Variants in PCBP3 observed in about 807,000 individuals in gnomAD.
PCBP3 encodes poly(rC)-binding protein 3.
PCBP3 carries 25 observed loss-of-function variants against 52.7 expected under a neutral mutation model. The observed-to-expected ratio is 0.47, with a 90% CI of 0.35 to 0.66. The LOEUF (loss-of-function observed/expected upper bound fraction) is 0.66. PCBP3 is among the 30% of genes least tolerant of loss of function. The pLI is 0.01. For missense variants in PCBP3, 391 were observed against 490.3 expected (o/e 0.80, Z 1.91); for synonymous variants, 162 against 183.0 (o/e 0.89, Z 0.93).
chr21:45,795,599 A>G (rs1373936173), intron 4 of PCBP3, among the ~76,000 whole-genome samples: 2 of 152,232 alleles, frequency 1.3e-5, no homozygotes, highest in African/African-American at 4.8e-5. Context: ...GAGGGATGCC[A>G]CAAAAGCAAT....
intron 3 of PCBP3, chr21:45,748,232 A>G (rs1464980703): frequency 1.3e-5 from 2 of 152,632 alleles, no homozygotes; most frequent in Non-Finnish European, 2.9e-5. Flanking sequence ...GTCAGCGTGC[A>G]TGGTGAGCTG....
intron 4 of PCBP3, among the ~76,000 whole-genome samples, chr21:45,833,299 G>T (rs1176930439): frequency 1.3e-5 from 2 of 152,220 alleles, no homozygotes; most frequent in African/African-American, 4.8e-5. Flanking sequence ...GACTTTGCTT[G>T]CGGGTTACTT....
intron 2 of PCBP3, among the ~76,000 whole-genome samples, chr21:45,676,502 T>C: frequency 6.6e-6 from 1 of 152,200 alleles, no homozygotes; most frequent in East Asian, 1.9e-4. Flanking sequence ...ATTTCAAACA[T>C]TTTCATTATT....
chr21:45,752,737 T>G (rs2087640000), intron 3 of PCBP3: 1 of 152,058 alleles, frequency 6.6e-6, no homozygotes, highest in African/African-American at 2.4e-5. Flanking sequence ...GGTCAAGTAT[T>G]ATAAATGTCC....
At chr21:45,812,806 T>G (rs1189023404) in intron 4 of PCBP3, among the ~76,000 whole-genome samples, 1 of 152,226 alleles carries the variant, frequency 6.6e-6, no homozygotes, top group African/African-American at 2.4e-5. Flanking sequence ...CTCTAAAATT[T>G]TAGGTTAGAG....
At chr21:45,851,777 A>G (rs2094016250) in intron 5 of PCBP3, among the ~76,000 whole-genome samples, 1 of 152,242 alleles carries the variant, frequency 6.6e-6, no homozygotes, top group African/African-American at 2.4e-5. Flanking sequence ...AGACTTGAGA[A>G]GAAATAGAGA....
chr21:45,704,000 G>A (rs1264171458), intron 2 of PCBP3, among the ~76,000 whole-genome samples: 2 of 152,144 alleles, frequency 1.3e-5, no homozygotes, highest in Admixed American at 6.5e-5. Context: ...TGGAGGTTGC[G>A]AGTGGTTGAT....
chr21:45,896,345 C>T lies in PCBP3; in HGVS notation c.148C>T (p.Leu50=). Residue 50 remains leucine (L), a synonymous_variant, in exon 6 of 18, where the codon CTG becomes TTG. Transcript: ENST00000681687. ...GGLNVTLTIR[L]LMHGKEVGSI... ...CCTGAATGTGACCCTCACCATCCGC[C>T]TGCTGATGCATGGAAAGGTAAGAGG... 1 of 1,551,864 alleles carries T rather than the reference C, an allele frequency of 6.4e-7. No homozygotes were observed. The highest frequency in any genetic ancestry group is 8.7e-7 in the Non-Finnish European group (1 of 1,147,028).
chr21:45,712,399 T>G (rs2083897762), intron 2 of PCBP3, among the ~76,000 whole-genome samples: 1 of 152,254 alleles, frequency 6.6e-6, no homozygotes, highest in Non-Finnish European at 1.5e-5. Flanking sequence ...TTCTACATCC[T>G]TGCAAACATT....
intron 2 of PCBP3, among the ~76,000 whole-genome samples, chr21:45,708,409 C>T (rs1003667654): frequency 3.3e-5 from 5 of 152,098 alleles, no homozygotes; most frequent in African/African-American, 1.2e-4. Context: ...GTTTCTGACC[C>T]CCTGAACCCT....
intron 5 of PCBP3, among the ~76,000 whole-genome samples, chr21:45,855,281 G>A (rs980198490): frequency 2.6e-5 from 4 of 152,088 alleles, no homozygotes; most frequent in Non-Finnish European, 4.4e-5. Flanking sequence ...GATCTGGGAG[G>A]CACAGGGAGG....
chr21:45,920,102 C>T (rs943569934), intron 13 of PCBP3, among the ~76,000 whole-genome samples: 5 of 152,122 alleles, frequency 3.3e-5, no homozygotes, highest in East Asian at 1.9e-4. Flanking sequence ...AGGCAGTGTG[C>T]GGTGCCCTTG....
intron 11 of PCBP3, among the ~76,000 whole-genome samples, chr21:45,913,123 T>G (rs965062829): frequency 6.6e-6 from 1 of 152,112 alleles, no homozygotes; most frequent in African/African-American, 2.4e-5. Flanking sequence ...CTCCTTGACC[T>G]GGGCCCTGGG....
At chr21:45,808,430 G>C (rs566999917) in intron 4 of PCBP3, among the ~76,000 whole-genome samples, 3 of 151,972 alleles carry the variant, frequency 2.0e-5, no homozygotes, top group Admixed American at 6.6e-5. Context: ...GCCAAAAAAC[G>C]TGAAAAAAAG....
At chr21:45,915,153 C>T (rs994436448) in intron 12 of PCBP3, 1 of 152,256 alleles carries the variant, frequency 6.6e-6, no homozygotes, top group African/African-American at 2.4e-5. Flanking sequence ...AGGGAGCCCC[C>T]ACATGCACAT....
rs2091526505 is a variant in PCBP3 at position 45,791,168 on chromosome 21, C to A, written c.-126+35716C>A. On this transcript the variant is annotated intron_variant, in intron 4 of 17. Transcript: ENST00000681687. This position sits in a 1 kb window ranked among gnomAD's most constrained non-coding sequence, Gnocchi z 4.2. ...CTCACAACAAGGCTGTGTTGGTCGT[C>A]AGCCCAGCGTGGGAAGGGGGAGTTT... 6.6e-6 allele frequency among the ~76,000 whole-genome samples: 1 copy of A among 152,144 alleles called. No individual in the cohort carries two copies. Among genetic ancestry groups the A allele is most frequent in the South Asian group, 2.1e-4 (1 of 4,818 alleles).
chr21:45,711,730 A>G (rs2083854373), intron 2 of PCBP3, among the ~76,000 whole-genome samples: 1 of 152,154 alleles, frequency 6.6e-6, no homozygotes, highest in Non-Finnish European at 1.5e-5. Flanking sequence ...ATACAGTTAG[A>G]TTGTTTTGTC....
rs58789579 is a variant in PCBP3 at position 45,789,826 on chromosome 21, C to A, written c.-126+34374C>A. On this transcript the variant is annotated intron_variant, in intron 4 of 17. Coordinates refer to ENST00000681687, the MANE Select transcript of PCBP3 (RefSeq NM_001384156.1). ...GGGCCGAGTTAGGTTCTCGCCAAATCGCTCTGGTGTCTGGGTAGAGAATAG... is the reference window on the plus strand; with the variant it reads ...GGGCCGAGTTAGGTTCTCGCCAAATAGCTCTGGTGTCTGGGTAGAGAATAG... Among the ~76,000 whole-genome samples the A allele has an allele frequency of 1.7e-3, 260 of 152,222 alleles. 1 individual carries two copies. The highest frequency in any genetic ancestry group is 6.0e-3 in the African/African-American group (249 of 41,524).
intron 1 of PCBP3, among the ~76,000 whole-genome samples, chr21:45,651,407 T>C (rs2079675747): frequency 1.3e-5 from 2 of 152,252 alleles, no homozygotes; most frequent in African/African-American, 4.8e-5. Context: ...ATCAACATTA[T>C]CCTTAATCTT....
Sources: gnomAD v4.1 joint callset for allele counts (sites outside exome capture counted in the v4.1 genomes callset) on GRCh38, gnomAD v4.1.1 for gene constraint, Gnocchi (gnomAD v3.1) non-coding constraint, MANE v1.5 for transcripts, NCBI Gene and HGNC (gene_info 2026-07-23, HGNC 2026-07-21) for gene names.